Variants in USP47 observed in about 807,000 individuals in gnomAD.
The protein encoded by USP47 is ubiquitin specific peptidase 47, also known as ubiquitin carboxyl-terminal hydrolase 47.
USP47 carries 35 observed loss-of-function variants against 165.1 expected under a neutral mutation model. The observed-to-expected ratio is 0.21, with a 90% CI of 0.16 to 0.28. The LOEUF is 0.28. USP47 is among the 10% of genes least tolerant of loss of function. The probability of loss-of-function intolerance (pLI) is 1.00; values close to 1 mark genes in which losing one functional copy is unlikely to be tolerated. For synonymous variants in USP47, 531 were observed against 544.5 expected (o/e 0.98, Z 0.35); for missense variants, 1,277 against 1,607.4 (o/e 0.79, Z 3.52).
chr11:11,871,501 CAAAAAAAAAAAAAAAAAAAAAAA>C (rs71037046), intron 1 of USP47, among the ~76,000 whole-genome samples: 1,420 of 63,172 alleles, frequency 0.022, 55 homozygotes, highest in African/African-American at 0.06. Flanking sequence ...AACTCCCTCT[CAAAAAAAAAAAAAAAAAAAAAAA>C]AAAAAAAAAA....
intron 4 of USP47, among the ~76,000 whole-genome samples, chr11:11,892,431 G>C (rs1207427306): frequency 7.1e-6 from 1 of 141,044 alleles, no homozygotes; most frequent in African/African-American, 2.7e-5. Context: ...GCCCAAGCTG[G>C]AGCACAGAAG....
rs541126107 is a variant in USP47 at position 11,842,020 on chromosome 11, C to T, written c.-166C>T. 27 of 752,500 alleles carry T rather than the reference C, an allele frequency of 3.6e-5. No individual in the cohort carries two copies. The highest frequency in any genetic ancestry group is 1.2e-4 in the Admixed American group (4 of 32,148). 46.6% of individuals were successfully genotyped at this position (752,500 alleles called of 1,614,324 possible). On this transcript the variant is annotated 5_prime_UTR_variant, in exon 1 of 28. Transcript: ENST00000527733. ...CGGCGGCGGCGGCGGAGCCCTGGGTCGGTGTCTGCGCGCTGGTGTCTGAGG... is the reference window on the plus strand; with the variant it reads ...CGGCGGCGGCGGCGGAGCCCTGGGTTGGTGTCTGCGCGCTGGTGTCTGAGG...
intron 14 of USP47, among the ~76,000 whole-genome samples, 193 bp from the exon 15 acceptor site, chr11:11,932,811 G>C (rs561021833): frequency 2.6e-5 from 4 of 152,232 alleles, no homozygotes; most frequent in African/African-American, 9.6e-5. Context: ...ACCTAACCAT[G>C]TGTCCCTGTT....
chr11:11,944,207 A>C (rs1401507179), intron 20 of USP47, among the ~76,000 whole-genome samples: 2 of 150,446 alleles, frequency 1.3e-5, no homozygotes, highest in Non-Finnish European at 3.0e-5. Flanking sequence ...TGTTAGAAGC[A>C]GAGACAACTG....
intron 1 of USP47, among the ~76,000 whole-genome samples, chr11:11,855,795 C>T (rs1425276376): frequency 6.6e-6 from 1 of 151,892 alleles, no homozygotes; most frequent in Non-Finnish European, 1.5e-5. Context: ...TTATAGAATT[C>T]ATTCAGTTAA....
chr11:11,948,569 C>CTT lies in USP47; in HGVS notation c.3348+11_3348+12insTT. 1.7e-5 allele frequency: 26 copies of CTT among 1,574,806 alleles called. No homozygotes were observed. The highest frequency in any genetic ancestry group is 2.1e-5 in the Non-Finnish European group (24 of 1,145,544). On this transcript the variant is annotated intron_variant, in intron 22 of 27. Coordinates refer to ENST00000527733, the MANE Select transcript of USP47 (RefSeq NM_001282659.2). ...GTCAATGAACAAGAGGTAAGTAATACGTTTAAGAATAATATAAGGTTACTT... is the reference window on the plus strand; with the variant it reads ...GTCAATGAACAAGAGGTAAGTAATACTTGTTTAAGAATAATATAAGGTTACTT...
At position 11,892,006 on chromosome 11, in the gene USP47, G is replaced by A; in HGVS notation, c.396G>A (p.Arg132=). 1 of 1,613,848 alleles carries A rather than the reference G, an allele frequency of 6.2e-7. No homozygotes were observed. The highest frequency in any genetic ancestry group is 8.5e-7 in the Non-Finnish European group (1 of 1,179,874). ...SSAGEDSVHD[R]FIGPLPREGS... ...CTGGGGAAGACAGTGTTCATGACAG[G>A]TTTATAGGTCCGCTTCCAAGAGAAG... Residue 132 remains arginine, a synonymous_variant, in exon 4 of 28, where the codon AGG becomes AGA. Coordinates refer to ENST00000527733, the MANE Select transcript of USP47 (RefSeq NM_001282659.2).
intron 1 of USP47, among the ~76,000 whole-genome samples, chr11:11,867,150 C>T (rs1273046250): frequency 6.6e-6 from 1 of 152,130 alleles, no homozygotes; most frequent in Non-Finnish European, 1.5e-5. Flanking sequence ...GCCCACCCGG[C>T]CCTTTCAAAG....
At chr11:11,935,122 T>C (rs73413243) in intron 16 of USP47, among the ~76,000 whole-genome samples, 4,779 of 152,178 alleles carry the variant, frequency 0.031, 233 homozygotes, top group African/African-American at 0.11. Flanking sequence ...ATAGTCAAGT[T>C]TGAGAATCAC....
chr11:11,943,335 G>C (rs186352115), intron 20 of USP47: 97 of 355,378 alleles, frequency 2.7e-4, no homozygotes, highest in African/African-American at 1.8e-3. Context: ...AAAAAAAATA[G>C]TATTCAATGT....
At chr11:11,938,449 A>G (rs1024000972) in intron 18 of USP47, 77 bp downstream of exon 18, 11 of 1,043,642 alleles carry the variant, frequency 1.1e-5, no homozygotes, top group African/African-American at 4.8e-5. Context: ...ACAGTTATGA[A>G]TAAGATACAT....
At chr11:11,955,401 TATG>T (rs1856498796) in intron 27 of USP47, among the ~76,000 whole-genome samples, 1 of 152,230 alleles carries the variant, frequency 6.6e-6, no homozygotes, top group Non-Finnish European at 1.5e-5. Flanking sequence ...ATATCCAAAA[TATG>T]ATCATTACAT....
chr11:11,946,604 T>C (rs1243910712), intron 20 of USP47, among the ~76,000 whole-genome samples: 2 of 152,222 alleles, frequency 1.3e-5, no homozygotes, highest in Non-Finnish European at 2.9e-5. Context: ...CCATAGGCTT[T>C]CCATTTCTAA....
intron 8 of USP47, among the ~76,000 whole-genome samples, chr11:11,915,091 G>T (rs557850386): frequency 9.9e-5 from 15 of 152,230 alleles, no homozygotes; most frequent in African/African-American, 3.4e-4. Flanking sequence ...ATCTGCTTCA[G>T]TAAGTGAATG....
chr11:11,850,214 C>G (rs1005840239), intron 1 of USP47, among the ~76,000 whole-genome samples: 1 of 151,484 alleles, frequency 6.6e-6, no homozygotes, highest in East Asian at 1.9e-4. Context: ...TATCTCTCCT[C>G]TCTCTTTTGA....
At chr11:11,881,427 T>C (rs1402144577) in intron 2 of USP47, among the ~76,000 whole-genome samples, 5 of 152,152 alleles carry the variant, frequency 3.3e-5, no homozygotes, top group African/African-American at 1.2e-4. Context: ...TGCCTTTTCC[T>C]ACTTCCTCAC....
At chr11:11,875,314 A>G (rs981672239) in intron 1 of USP47, among the ~76,000 whole-genome samples, 2 of 152,152 alleles carry the variant, frequency 1.3e-5, no homozygotes, top group African/African-American at 4.8e-5. Context: ...TTTAAACCTC[A>G]GTGTGTATTC....
In USP47 at chr11:11,936,473, A is replaced by G. The variant is rs1025203988; in HGVS notation, c.2040A>G (p.Arg680=). The G allele has an allele frequency of 7.5e-6, 12 of 1,598,704 alleles. No individual in the cohort carries two copies. In the Admixed American group the frequency reaches 1.8e-4, roughly 25 times the overall value. Residue 680 remains arginine, a synonymous_variant, in exon 17 of 28, where the codon AGA becomes AGG. Transcript: ENST00000527733. ...TGTTTGATCTGCTGTTGGAGACGAG[A>G]AAGCCTGATCAGGTTTTCCAATCTT... ...TYMFDLLLET[R]KPDQVFQSYK...
intron 17 of USP47, among the ~76,000 whole-genome samples, chr11:11,937,721 CT>C (rs1855175419): frequency 1.3e-5 from 2 of 151,706 alleles, no homozygotes; most frequent in Admixed American, 1.3e-4. Context: ...TAATCAAGAT[CT>C]TAGCAGAATA....
Sources: allele counts gnomAD v4.1 joint callset (sites outside exome capture counted in the v4.1 genomes callset), GRCh38; gene constraint gnomAD v4.1.1; transcripts MANE v1.5; gene names NCBI Gene and HGNC (gene_info 2026-07-23, HGNC 2026-07-21).